Variants in PAM observed in about 807,000 individuals in gnomAD.
PAM encodes peptidylglycine alpha-amidating monooxygenase.
PAM carries 72 observed loss-of-function variants against 122.1 expected under a neutral mutation model. The observed-to-expected ratio is 0.59, with a 90% CI of 0.49 to 0.72. PAM has a LOEUF of 0.72. PAM is among the 30% of genes least tolerant of loss of function. PAM has a pLI of 0.00. For missense variants in PAM, 1,106 were observed against 1,183.7 expected (o/e 0.93, Z 0.96); for synonymous variants, 389 against 404.4 (o/e 0.96, Z 0.46).
chr5:102,932,402 C>T (rs573957013), intron 7 of PAM, among the ~76,000 whole-genome samples: 35 of 151,924 alleles, frequency 2.3e-4, no homozygotes, highest in African/African-American at 5.3e-4. Flanking sequence ...GCAGGAAAAT[C>T]GTTTGAACCC....
At chr5:102,795,693 T>C (rs1232884231) in intron 1 of PAM, among the ~76,000 whole-genome samples, 1 of 152,164 alleles carries the variant, frequency 6.6e-6, no homozygotes, top group Non-Finnish European at 1.5e-5. Context: ...GTGGTTGGTG[T>C]GAGAGAAAAA....
intron 12 of PAM, among the ~76,000 whole-genome samples, chr5:102,952,248 A>G (rs559169513): frequency 6.6e-6 from 1 of 152,180 alleles, no homozygotes; most frequent in East Asian, 1.9e-4. Context: ...GCCAAATTCT[A>G]TCCTTTTGAG....
chr5:102,938,329 T>A (rs1417029434), intron 7 of PAM, among the ~76,000 whole-genome samples: 2 of 152,176 alleles, frequency 1.3e-5, no homozygotes, highest in Non-Finnish European at 2.9e-5. Flanking sequence ...ATATGGCCAT[T>A]ATGTATCAGG....
chr5:102,838,967 C>G lies in PAM; in HGVS notation c.-373-26856C>G, dbSNP rs368113982. Among the ~76,000 whole-genome samples, 3 of 152,096 alleles carry G rather than the reference C, an allele frequency of 2.0e-5. No individual in the cohort carries two copies. The East Asian group carries it at 5.8e-4, about 29-fold the overall frequency. Reference sequence around the variant, plus strand: ...TTCCCTGAATCTTGGGAGAAGTACACCTAAGTGTTGGAGTTCCTAGAAATC... The same window carrying G: ...TTCCCTGAATCTTGGGAGAAGTACAGCTAAGTGTTGGAGTTCCTAGAAATC... On this transcript the variant is annotated intron_variant, in intron 1 of 25. Coordinates refer to ENST00000438793, the MANE Select transcript of PAM (RefSeq NM_001177306.2).
chr5:103,010,595 G>A (rs1378189572), intron 21 of PAM, among the ~76,000 whole-genome samples: 1 of 152,096 alleles, frequency 6.6e-6, no homozygotes, highest in African/African-American at 2.4e-5. Flanking sequence ...CTACAAATAA[G>A]TGTTATTCTT....
chr5:102,925,449 C>A (rs920659194), intron 6 of PAM, among the ~76,000 whole-genome samples: 2 of 152,200 alleles, frequency 1.3e-5, no homozygotes, highest in African/African-American at 4.8e-5. Context: ...CCTCAGCTGG[C>A]TTTCTGACTG....
Position 102,946,567 on chromosome 5 carries a change from C to G in PAM, c.527-270C>G, listed in dbSNP as rs115708144. On this transcript the variant is annotated intron_variant, in intron 7 of 25. Transcript: ENST00000438793. ...AACAACTTTCTAGTATCTAGTATGTCTGCAGGAAAGTCAATATATTGGTCA... is the reference window on the plus strand; with the variant it reads ...AACAACTTTCTAGTATCTAGTATGTGTGCAGGAAAGTCAATATATTGGTCA... Among the ~76,000 whole-genome samples, 1,094 of 147,132 alleles carry G rather than the reference C, an allele frequency of 7.4e-3. 8 individuals are homozygous for G. The highest frequency in any genetic ancestry group is 0.012 in the Non-Finnish European group (836 of 67,104).
chr5:102,864,087 A>G (rs1019418694), intron 1 of PAM, among the ~76,000 whole-genome samples: 18 of 150,552 alleles, frequency 1.2e-4, no homozygotes, highest in African/African-American at 4.4e-4. Flanking sequence ...TGTAATACCA[A>G]ATCTCCTTGC....
chr5:102,853,228 C>T (rs1250660766), intron 1 of PAM, among the ~76,000 whole-genome samples: 2 of 152,168 alleles, frequency 1.3e-5, no homozygotes, highest in African/African-American at 4.8e-5. Flanking sequence ...TGATTATTCC[C>T]TTGGAATACA....
chr5:102,839,179 A>G (rs933751304), intron 1 of PAM, among the ~76,000 whole-genome samples: 1 of 152,180 alleles, frequency 6.6e-6, no homozygotes, highest in African/African-American at 2.4e-5. Context: ...CTCTCTATCA[A>G]AACAAGCTCC....
chr5:102,969,167 C>T (rs985530984), intron 14 of PAM, among the ~76,000 whole-genome samples: 1 of 151,736 alleles, frequency 6.6e-6, no homozygotes, highest in Admixed American at 6.6e-5. Flanking sequence ...CAGCAAACAA[C>T]CATGGCACGT....
intron 1 of PAM, among the ~76,000 whole-genome samples, chr5:102,759,681 T>A (rs1486459760): frequency 6.6e-6 from 1 of 152,162 alleles, no homozygotes; most frequent in Non-Finnish European, 1.5e-5. Context: ...CTTTATGACC[T>A]CTACATGTAA....
chr5:102,901,385 A>G lies in PAM; in HGVS notation c.240A>G (p.Arg80=), dbSNP rs1797822852. ...ATACATACTTCTGCATGTCTATGCG[A>G]ATACCAGTGGATGAGGAAGCCTTCG... ...QSDTYFCMSM[R]IPVDEEAFVI... The change falls in exon 4 of 26, where the codon CGA becomes CGG. Residue 80 remains arginine (R), a synonymous_variant. Transcript: ENST00000438793. 8.2e-6 allele frequency: 13 copies of G among 1,591,900 alleles called. No individual in the cohort carries two copies. The highest frequency in any genetic ancestry group is 1.1e-5 in the Non-Finnish European group (13 of 1,161,290).
At chr5:102,936,408 T>C (rs1298108181) in intron 7 of PAM, among the ~76,000 whole-genome samples, 1 of 152,122 alleles carries the variant, frequency 6.6e-6, no homozygotes, top group Non-Finnish European at 1.5e-5. Flanking sequence ...TTGCAGACTG[T>C]TACCCATTAC....
At chr5:102,762,632 T>G (rs1752682418) in intron 1 of PAM, among the ~76,000 whole-genome samples, 2 of 152,146 alleles carry the variant, frequency 1.3e-5, no homozygotes, top group East Asian at 3.9e-4. Context: ...GAATTTAGAA[T>G]TATATTGGTT....
At chr5:102,807,713 C>T (rs1196087544) in intron 1 of PAM, among the ~76,000 whole-genome samples, 1 of 152,160 alleles carries the variant, frequency 6.6e-6, no homozygotes, top group Admixed American at 6.5e-5. Flanking sequence ...ATGAAGTATT[C>T]ACCGTTAAGG....
intron 15 of PAM, among the ~76,000 whole-genome samples, chr5:102,980,660 C>G (rs981327567): frequency 6.6e-6 from 1 of 152,056 alleles, no homozygotes; most frequent in African/African-American, 2.4e-5. Context: ...TAGGGAATAG[C>G]CTTTAACTAC....
intron 1 of PAM, among the ~76,000 whole-genome samples, chr5:102,810,555 G>C (rs766364868): frequency 6.6e-6 from 1 of 152,216 alleles, no homozygotes; most frequent in Non-Finnish European, 1.5e-5. Flanking sequence ...TTAAGGCCAG[G>C]TGCAGTGGCT....
At chr5:102,883,886 C>T (rs761115839) in intron 3 of PAM, among the ~76,000 whole-genome samples, 10 of 151,816 alleles carry the variant, frequency 6.6e-5, no homozygotes, top group Non-Finnish European at 1.2e-4. Flanking sequence ...AGATATGTCC[C>T]TTCTATGCCA....
Sources: gnomAD v4.1 joint callset for allele counts (sites outside exome capture counted in the v4.1 genomes callset) on GRCh38, gnomAD v4.1.1 for gene constraint, MANE v1.5 for transcripts, NCBI Gene and HGNC (gene_info 2026-07-23, HGNC 2026-07-21) for gene names.